Variants in WWOX observed in about 807,000 individuals in gnomAD.
The protein encoded by WWOX is WW domain containing oxidoreductase.
WWOX carries 69 observed loss-of-function variants against 46.2 expected under a neutral mutation model. The observed-to-expected ratio is 1.49, with a 90% CI of 1.23 to 1.82. The LOEUF is 1.82. Among genes scored for constraint, WWOX ranks in the 40% most tolerant of loss-of-function variants. The probability of loss-of-function intolerance (pLI) is 0.00; values close to 1 mark genes in which losing one functional copy is unlikely to be tolerated. For missense variants in WWOX, 919 were observed against 542.6 expected (o/e 1.69, Z -6.89); for synonymous variants, 359 against 202.6 (o/e 1.77, Z -6.56).
At chr16:78,761,530 C>T (rs1408778135) in intron 8 of WWOX, among the ~76,000 whole-genome samples, 2 of 152,020 alleles carry the variant, frequency 1.3e-5, no homozygotes, top group Admixed American at 6.6e-5. Flanking sequence ...GCTCATCTAC[C>T]CTGATAGTTT....
intron 4 of WWOX, among the ~76,000 whole-genome samples, chr16:78,159,026 G>C (rs948998776): frequency 2.8e-4 from 43 of 152,150 alleles, no homozygotes; most frequent in African/African-American, 9.9e-4. Flanking sequence ...GTATCATGTA[G>C]TATTTGTCCT....
chr16:78,917,005 T>C (rs1471063795), intron 8 of WWOX, among the ~76,000 whole-genome samples: 1 of 152,220 alleles, frequency 6.6e-6, no homozygotes. Flanking sequence ...ATTGGCACCA[T>C]TTTGTGACAA....
chr16:79,186,379 G>A (rs1049434330), intron 8 of WWOX, among the ~76,000 whole-genome samples: 4 of 152,152 alleles, frequency 2.6e-5, no homozygotes, highest in African/African-American at 9.7e-5. Flanking sequence ...CGCTTCCGGT[G>A]GTTCAGTGGC....
At chr16:78,841,252 C>T (rs964371849) in intron 8 of WWOX, among the ~76,000 whole-genome samples, 1 of 152,170 alleles carries the variant, frequency 6.6e-6, no homozygotes, top group Non-Finnish European at 1.5e-5. Context: ...GGTCTCAATA[C>T]CATCTTGAAA....
At chr16:78,943,286 A>C (rs575199021) in intron 8 of WWOX, among the ~76,000 whole-genome samples, 2 of 152,308 alleles carry the variant, frequency 1.3e-5, no homozygotes, top group South Asian at 4.1e-4. Flanking sequence ...TTCCTGGATA[A>C]GGAGAATGAG....
chr16:78,677,881 C>T (rs1005316999), intron 8 of WWOX, among the ~76,000 whole-genome samples: 1 of 152,122 alleles, frequency 6.6e-6, no homozygotes, highest in African/African-American at 2.4e-5. Flanking sequence ...AATTTCCTGC[C>T]TCCAAATTAA....
At chr16:78,399,117 A>G (rs535408713) in intron 6 of WWOX, among the ~76,000 whole-genome samples, 11 of 149,494 alleles carry the variant, frequency 7.4e-5, no homozygotes, top group African/African-American at 2.7e-4. Context: ...TGCAAGAGGT[A>G]AGTACAAGGA....
In WWOX at chr16:78,231,694, C is replaced by T. The variant is rs530555209; in HGVS notation, c.516+67405C>T. Among the ~76,000 whole-genome samples the T allele has an allele frequency of 3.3e-5, 5 of 152,236 alleles. No individual in the cohort carries two copies. In the South Asian group the frequency reaches 1.0e-3, roughly 32 times the overall value. Reference sequence around the variant, plus strand: ...CAGAAAACATAATTATTATCAATTGCCTCTCTCCTGGAATTGCCATTGGCT... The same window carrying T: ...CAGAAAACATAATTATTATCAATTGTCTCTCTCCTGGAATTGCCATTGGCT... On this transcript the variant is annotated intron_variant, in intron 5 of 8. Transcript: ENST00000566780.
rs759121314 is a variant in WWOX at position 78,386,871 on chromosome 16, G to C, written c.528G>C (p.Lys176Asn). ...SRILEEWHKA[K>N]VEAMTLDLAL... is the part of the protein sequence containing the mutation. ...TTCTCTCATTGCAGCATAAAGCCAA[G>C]GTAGAAGCAATGACCCTGGACCTCG... The change falls in exon 6 of 9, where the codon AAG becomes AAC. Residue 176 changes from lysine to asparagine, a missense_variant. Lys to Asn is a moderately conservative substitution (Grantham distance 94). Transcript: ENST00000566780. 6.2e-7 allele frequency: 1 copy of C among 1,614,006 alleles called. No homozygotes were observed. The highest frequency in any genetic ancestry group is 1.1e-5 in the South Asian group (1 of 91,070).
At chr16:78,804,484 T>TCATGCAAACAAGCGCACATGCGAAGCG (rs1473095809) in intron 8 of WWOX, among the ~76,000 whole-genome samples, 9 of 152,150 alleles carry the variant, frequency 5.9e-5, no homozygotes, top group Non-Finnish European at 1.0e-4. Flanking sequence ...ACTCCATTAG[T>TCATGCAAACAAGCGCACATGCGAAGCG]CATGCAAACA....
intron 8 of WWOX, among the ~76,000 whole-genome samples, chr16:78,634,072 G>C (rs1597375715): frequency 6.6e-6 from 1 of 152,108 alleles, no homozygotes; most frequent in Admixed American, 6.5e-5. Context: ...GAGCACTCTT[G>C]AACCCAGAGA....
chr16:78,764,205 C>G (rs890671397), intron 8 of WWOX, among the ~76,000 whole-genome samples: 1 of 152,120 alleles, frequency 6.6e-6, no homozygotes, highest in Admixed American at 6.5e-5. Flanking sequence ...TCTTCCGGCT[C>G]TACCCTGTTT....
chr16:78,402,597 C>G (rs1269894986), intron 6 of WWOX, among the ~76,000 whole-genome samples: 2 of 152,104 alleles, frequency 1.3e-5, no homozygotes, highest in Non-Finnish European at 2.9e-5. Flanking sequence ...AAGGAGAGTT[C>G]CCTGGGACGT....
intron 8 of WWOX, among the ~76,000 whole-genome samples, chr16:78,735,859 C>A (rs1480483367): frequency 8.9e-6 from 1 of 111,986 alleles, no homozygotes; most frequent in African/African-American, 4.1e-5. Flanking sequence ...CTCTCTGCAA[C>A]AGGGCCAGGG....
At chr16:78,157,100 A>G (rs919157343) in intron 4 of WWOX, among the ~76,000 whole-genome samples, 1 of 152,110 alleles carries the variant, frequency 6.6e-6, no homozygotes, top group Non-Finnish European at 1.5e-5. Flanking sequence ...CCTGTGATGA[A>G]ACTGTGAAGA....
intron 8 of WWOX, among the ~76,000 whole-genome samples, chr16:79,115,030 C>G (rs1053359462): frequency 6.6e-6 from 1 of 152,206 alleles, no homozygotes; most frequent in Non-Finnish European, 1.5e-5. Context: ...AAGCCAAGTG[C>G]AAGTTCCTGC....
At chr16:78,591,810 G>A (rs910233557) in intron 8 of WWOX, among the ~76,000 whole-genome samples, 3 of 152,116 alleles carry the variant, frequency 2.0e-5, no homozygotes, top group East Asian at 3.9e-4. Context: ...AGTGGTAGCT[G>A]GTGACAAAAC....
chr16:79,110,858 C>T (rs189874676), intron 8 of WWOX: 3 of 152,248 alleles, frequency 2.0e-5, no homozygotes, highest in East Asian at 1.9e-4. Context: ...TGAGTTTTCT[C>T]ATCATTAAAA....
At chr16:78,971,227 G>A (rs141553492) in intron 8 of WWOX, among the ~76,000 whole-genome samples, 38 of 152,090 alleles carry the variant, frequency 2.5e-4, no homozygotes, top group African/African-American at 8.4e-4. Flanking sequence ...TTGAGAGGCT[G>A]AGGCGGGAAG....
Sources: gnomAD v4.1 joint callset for allele counts (sites outside exome capture counted in the v4.1 genomes callset) on GRCh38, gnomAD v4.1.1 for gene constraint, MANE v1.5 for transcripts, NCBI Gene and HGNC (gene_info 2026-07-23, HGNC 2026-07-21) for gene names.